Variants in CPQ observed in about 807,000 individuals in gnomAD.
The protein encoded by CPQ is carboxypeptidase Q.
A neutral mutation model predicts 45.7 loss-of-function variants in CPQ; 37 were observed. That is an observed-to-expected ratio of 0.81 (90% CI 0.62 to 1.07). CPQ has a LOEUF of 1.07. Among genes scored for constraint, CPQ ranks in the 50% least tolerant of loss-of-function variants. The pLI, the probability that CPQ is intolerant of heterozygous loss-of-function variation, is 0.00. For synonymous variants in CPQ, 186 were observed against 205.8 expected (o/e 0.90, Z 0.82); for missense variants, 537 against 572.9 (o/e 0.94, Z 0.64).
chr8:96,879,891 G>T lies in CPQ; in HGVS notation c.735G>T (p.Met245Ile), dbSNP rs141107654. The change falls in exon 4 of 8, where the codon ATG becomes ATT. Residue 245 changes from methionine (M) to isoleucine (I), a missense_variant. Coordinates refer to ENST00000220763, the MANE Select transcript of CPQ (RefSeq NM_016134.4). Reference sequence around the variant, plus strand: ...AAGATGCAGAAATGATGTCAAGAATGGCTTCTCATGGGATCAAAATTGTCA... The same window carrying T: ...AAGATGCAGAAATGATGTCAAGAATTGCTTCTCATGGGATCAAAATTGTCA... ...TVEDAEMMSR[M>I]ASHGIKIVIQ... 3 of 1,614,030 alleles carry T rather than the reference G, an allele frequency of 1.9e-6. No individual in the cohort carries two copies. The highest frequency in any genetic ancestry group is 2.5e-6 in the Non-Finnish European group (3 of 1,179,984).
At chr8:96,845,665 T>G (rs962176321) in intron 3 of CPQ, among the ~76,000 whole-genome samples, 6 of 152,044 alleles carry the variant, frequency 3.9e-5, no homozygotes, top group Admixed American at 2.6e-4. Flanking sequence ...AAAAAAAATT[T>G]TAGTAGAGAT....
At chr8:96,803,223 T>C (rs1811030910) in intron 2 of CPQ, among the ~76,000 whole-genome samples, 1 of 152,224 alleles carries the variant, frequency 6.6e-6, no homozygotes, top group African/African-American at 2.4e-5. Flanking sequence ...GGCAGAGTTA[T>C]TCCAGCCTTC....
chr8:96,854,530 CAAAAAAAAA>C lies in CPQ; in HGVS notation c.641+19371_641+19379del, dbSNP rs1156706371. 6.4e-3 allele frequency among the ~76,000 whole-genome samples: 56 copies of C among 8,698 alleles called. 1 individual carries two copies. In the East Asian group the frequency reaches 0.18, roughly 29 times the overall value. 5.7% of individuals were successfully genotyped at this position (8,698 alleles called of 152,430 possible). Reference sequence around the variant, plus strand: ...TGGGCGACAGAGCGAGACTCCGTCTCAAAAAAAAAAAAAAAAAAAAAAAAAAAAATGTGG... The same window carrying C: ...TGGGCGACAGAGCGAGACTCCGTCTCAAAAAAAAAAAAAAAAAAAATGTGG... On this transcript the variant is annotated intron_variant, in intron 3 of 7. Transcript: ENST00000220763.
chr8:96,927,554 A>G (rs762118874), intron 4 of CPQ, among the ~76,000 whole-genome samples: 1 of 152,154 alleles, frequency 6.6e-6, no homozygotes, highest in African/African-American at 2.4e-5. Flanking sequence ...CATCAGTGTC[A>G]CTGGAAATGA....
At chr8:97,043,123 G>A (rs1032770929) in intron 6 of CPQ, among the ~76,000 whole-genome samples, 2 of 152,136 alleles carry the variant, frequency 1.3e-5, no homozygotes, top group African/African-American at 4.8e-5. Flanking sequence ...GGGAGTCTAA[G>A]TCTCTTTGTA....
At chr8:96,872,670 C>T (rs34858379) in intron 3 of CPQ, among the ~76,000 whole-genome samples, 77,875 of 151,486 alleles carry the variant, frequency 0.51, 20,517 homozygotes, top group African/African-American at 0.62. Context: ...TTAGTCAGGA[C>T]TATCCAGAGA....
In CPQ at chr8:96,656,573, T is replaced by C. The variant is rs530329540; in HGVS notation, c.-35+11171T>C. On this transcript the variant is annotated intron_variant, in intron 1 of 7. Coordinates refer to ENST00000220763, the MANE Select transcript of CPQ (RefSeq NM_016134.4). ...CTCTGGGCAGGGCCTTAGAGTGGGC[T>C]CTGAGTCTGGATTGAGTCACTCTTT... is the stretch of plus-strand genomic sequence containing the variant. Among the ~76,000 whole-genome samples the C allele has an allele frequency of 1.4e-3, 212 of 152,242 alleles. 1 individual carries two copies. The highest frequency in any genetic ancestry group is 2.2e-3 in the Non-Finnish European group (151 of 68,014).
Position 97,121,575 on chromosome 8 carries a change from T to A in CPQ, c.1256-21445T>A, listed in dbSNP as rs1331443506. Among the ~76,000 whole-genome samples the A allele has an allele frequency of 2.0e-5, 3 of 152,104 alleles. 1 individual carries two copies. Among genetic ancestry groups the A allele is most frequent in the African/African-American group, 7.2e-5 (3 of 41,424 alleles). The stretch of plus-strand genomic sequence containing the variant: ...CTTTTTAAAGGAAAAAAAGACAATC[T>A]AGACAGACACTCAACATGTAAAATT... On this transcript the variant is annotated intron_variant, in intron 7 of 7. Transcript: ENST00000220763.
chr8:97,041,463 G>T (rs1810123960), intron 6 of CPQ, among the ~76,000 whole-genome samples: 1 of 152,094 alleles, frequency 6.6e-6, no homozygotes, highest in African/African-American at 2.4e-5. Context: ...TTTCCTAATT[G>T]AATACCCTTT....
chr8:96,993,687 A>G (rs911501555), intron 5 of CPQ, among the ~76,000 whole-genome samples: 1 of 152,170 alleles, frequency 6.6e-6, no homozygotes. Flanking sequence ...AGATGCATAC[A>G]TAGCAAAACC....
intron 6 of CPQ, among the ~76,000 whole-genome samples, chr8:97,054,431 A>G (rs1810416668): frequency 6.6e-6 from 1 of 152,176 alleles, no homozygotes; most frequent in African/African-American, 2.4e-5. Context: ...GTATCTGCCC[A>G]AAGGAAAAGA....
chr8:96,728,664 A>T (rs886359475), intron 1 of CPQ, among the ~76,000 whole-genome samples: 1 of 152,184 alleles, frequency 6.6e-6, no homozygotes, highest in Non-Finnish European at 1.5e-5. Flanking sequence ...AAAGTGCTTC[A>T]TAAATCACAC....
At chr8:96,722,078 T>C (rs769434682) in intron 1 of CPQ, among the ~76,000 whole-genome samples, 3 of 152,320 alleles carry the variant, frequency 2.0e-5, no homozygotes, top group East Asian at 3.9e-4. Flanking sequence ...CCACAAGAAA[T>C]AAGCTCTATA....
At chr8:96,849,071 A>G (rs1019924973) in intron 3 of CPQ, among the ~76,000 whole-genome samples, 6 of 152,216 alleles carry the variant, frequency 3.9e-5, no homozygotes, top group African/African-American at 1.2e-4. Context: ...ATATTTTAAC[A>G]TGTAATCCAA....
At chr8:96,912,712 G>A (rs977110871) in intron 4 of CPQ, among the ~76,000 whole-genome samples, 8 of 152,130 alleles carry the variant, frequency 5.3e-5, no homozygotes, top group African/African-American at 1.7e-4. Flanking sequence ...GACCTACCTC[G>A]AAGGAGTATT....
At chr8:96,763,777 A>T (rs1273724297) in intron 1 of CPQ, among the ~76,000 whole-genome samples, 1 of 152,236 alleles carries the variant, frequency 6.6e-6, no homozygotes, top group Admixed American at 6.5e-5. Context: ...AAATAAGCAC[A>T]TGAAAATATA....
chr8:97,053,730 C>A (rs890138495), intron 6 of CPQ, among the ~76,000 whole-genome samples: 1 of 152,174 alleles, frequency 6.6e-6, no homozygotes, highest in African/African-American at 2.4e-5. Context: ...TCTGAATCAA[C>A]TTTCTAAAAT....
chr8:96,890,666 G>A (rs2130888960), intron 4 of CPQ, among the ~76,000 whole-genome samples: 1 of 152,312 alleles, frequency 6.6e-6, no homozygotes, highest in South Asian at 2.1e-4. Context: ...TTCTTAGCCT[G>A]TTGACTTAGA....
At chr8:97,111,741 G>T (rs1811501064) in intron 7 of CPQ, among the ~76,000 whole-genome samples, 1 of 152,216 alleles carries the variant, frequency 6.6e-6, no homozygotes, top group South Asian at 2.1e-4. Flanking sequence ...GTCAGTGCAG[G>T]ATGCTCATTT....
Sources: allele counts gnomAD v4.1 joint callset (sites outside exome capture counted in the v4.1 genomes callset), GRCh38; gene constraint gnomAD v4.1.1; transcripts MANE v1.5; gene names NCBI Gene and HGNC (gene_info 2026-07-23, HGNC 2026-07-21).